The following PDXP variants were observed in gnomAD, a reference collection of about 807,000 sequenced individuals.
The protein encoded by PDXP is pyridoxal phosphatase.
A neutral mutation model predicts 14.4 loss-of-function variants in PDXP; 15 were observed. The ratio of observed to expected loss-of-function variants is 1.04; its 90% confidence interval spans 0.70 to 1.60. The LOEUF is 1.60. Ranked by LOEUF, PDXP falls within the 40% of genes most tolerant of loss-of-function variation. The probability of loss-of-function intolerance (pLI) is 0.00; values close to 1 mark genes in which losing one functional copy is unlikely to be tolerated. For synonymous variants in PDXP, 233 were observed against 205.6 expected (o/e 1.13, Z -1.14); for missense variants, 413 against 427.6 (o/e 0.97, Z 0.30).
chr22:37,666,126 T>G lies in PDXP; in HGVS notation c.*255T>G. The G allele has an allele frequency of 9.1e-6, 5 of 550,670 alleles. No homozygotes were observed. The highest frequency in any genetic ancestry group is 1.7e-5 in the Non-Finnish European group (5 of 300,290). The allele number at this position is 550,670 out of a possible 1,614,324, so 34.1% of individuals were successfully genotyped here. ...TGACCCAGCCAGGTGGCCTTATTTC[T>G]TCCCTGTCACCTCCCCTCCTTGAAA... On this transcript the variant is annotated 3_prime_UTR_variant, in exon 2 of 2. Coordinates refer to ENST00000215904, the MANE Select transcript of PDXP (RefSeq NM_020315.5).
Position 37,658,835 on chromosome 22 carries a change from G to T in PDXP, c.53G>T (p.Arg18Leu). ...GCGGCCCTGCGCGACGTGCTGGGCC[G>T]GGCGCAGGGGGTCCTGTTCGACTGT... ...RGAALRDVLGRAQGVLFDCDG... is the reference protein window; with the variant it reads ...RGAALRDVLGLAQGVLFDCDG... Residue 18 changes from arginine to leucine, a missense_variant, in exon 1 of 2, where the codon CGG becomes CTG. Coordinates refer to ENST00000215904, the MANE Select transcript of PDXP (RefSeq NM_020315.5). The T allele has an allele frequency of 8.4e-7, 1 of 1,196,176 alleles. No homozygotes were observed. Among genetic ancestry groups the T allele is most frequent in the East Asian group, 3.5e-5 (1 of 28,702 alleles). 74.1% of individuals were successfully genotyped at this position (1,196,176 alleles called of 1,614,324 possible).
In PDXP at chr22:37,666,021, GC is replaced by G; in HGVS notation, c.*153del. 1 of 780,862 alleles carries G rather than the reference GC, an allele frequency of 1.3e-6. No individual in the cohort carries two copies. Among genetic ancestry groups the G allele is most frequent in the Non-Finnish European group, 2.1e-6 (1 of 485,306 alleles). The allele number at this position is 780,862 out of a possible 1,614,324, so 48.4% of individuals were successfully genotyped here. A position where few individuals can be genotyped will look rare whatever the true frequency, so the allele number is the denominator to read the frequency against. On this transcript the variant is annotated 3_prime_UTR_variant, in exon 2 of 2. Transcript: ENST00000215904. ...GCTGGGACCCGGGGAAGGTTTGAGG[GC>G]CCTTGCAACCCCCTCCCAGCAGTGG...
rs1225211536 is a variant in PDXP, at chr22:37,658,932, C to T, written c.150C>T (p.Ala50=). 3 of 1,215,254 alleles carry T rather than the reference C, an allele frequency of 2.5e-6. No homozygotes were observed. The highest frequency in any genetic ancestry group is 1.6e-5 in the African/African-American group (1 of 62,976). 75.3% of individuals were successfully genotyped at this position (1,215,254 alleles called of 1,614,324 possible). A position where few individuals can be genotyped will look rare whatever the true frequency, so the allele number is the denominator to read the frequency against. Residue 50 remains alanine, a synonymous_variant, in exon 1 of 2, where the codon GCC becomes GCT. Transcript: ENST00000215904. ...APELLERLAR[A]GKAALFVSNN... is the part of the protein sequence containing the mutation. Reference sequence around the variant, plus strand: ...AGCTGCTGGAGCGGCTGGCGCGGGCCGGCAAGGCGGCTCTGTTTGTGAGCA... The same window carrying T: ...AGCTGCTGGAGCGGCTGGCGCGGGCTGGCAAGGCGGCTCTGTTTGTGAGCA...
intron 1 of PDXP, among the ~76,000 whole-genome samples, chr22:37,660,368 C>T (rs1429827316): frequency 6.7e-6 from 1 of 149,876 alleles, no homozygotes; most frequent in African/African-American, 2.4e-5. Context: ...TCCCCTCCAA[C>T]CCTCCAACCG....
Position 37,658,771 on chromosome 22 carries a change from C to A in PDXP, c.-12C>A. ...AGAGCGCGGCGCGGGAGGCCGGCGG[C>A]CGGCCGGCTGCATGGCGCGCTGCGA... On this transcript the variant is annotated 5_prime_UTR_variant, in exon 1 of 2. Coordinates refer to ENST00000215904, the MANE Select transcript of PDXP (RefSeq NM_020315.5). 1.7e-6 allele frequency: 2 copies of A among 1,161,104 alleles called. No individual in the cohort carries two copies. The highest frequency in any genetic ancestry group is 2.1e-6 in the Non-Finnish European group (2 of 942,428). 71.9% of individuals were successfully genotyped at this position (1,161,104 alleles called of 1,614,324 possible).
At chr22:37,663,840 C>A (rs62236665) in intron 1 of PDXP, among the ~76,000 whole-genome samples, 45,592 of 150,048 alleles carry the variant, frequency 0.3, 7,127 homozygotes, top group Middle Eastern at 0.36. Context: ...TTTTATTTTT[C>A]GTAGAGACGG....
intron 1 of PDXP, among the ~76,000 whole-genome samples, chr22:37,660,170 G>A (rs1266997899): frequency 1.3e-5 from 2 of 152,154 alleles, no homozygotes; most frequent in African/African-American, 2.4e-5. Context: ...ACTTCAGCAT[G>A]GGCAACATAG....
intron 1 of PDXP, 107 bp downstream of exon 1, chr22:37,659,463 G>A (rs971595905): frequency 3.9e-5 from 33 of 850,186 alleles, no homozygotes; most frequent in Non-Finnish European, 4.7e-5. Context: ...GGCAGGTGGG[G>A]AACAGGAGAG....
In PDXP at chr22:37,658,987, G is replaced by A. The variant is rs1450616264; in HGVS notation, c.205G>A (p.Ala69Thr). 5.5e-5 allele frequency: 66 copies of A among 1,205,648 alleles called. No individual in the cohort carries two copies. Among genetic ancestry groups the A allele is most frequent in the Non-Finnish European group, 6.2e-5 (60 of 967,628 alleles). 74.7% of individuals were successfully genotyped at this position (1,205,648 alleles called of 1,614,324 possible). A position where few individuals can be genotyped will look rare whatever the true frequency, so the allele number is the denominator to read the frequency against. ...CAGCCGGCGCGCGCGGCCCGAGCTG[G>A]CCCTGCGCTTCGCGCGCCTCGGCTT... ...NNSRRARPEL[A>T]LRFARLGFGG... The change falls in exon 1 of 2, where the codon GCC becomes ACC. Residue 69 changes from alanine to threonine, a missense_variant. By Grantham distance (58) the Ala-to-Thr change is moderately conservative. Transcript: ENST00000215904.
At chr22:37,660,005 T>G (rs554082710) in intron 1 of PDXP, among the ~76,000 whole-genome samples, 79 of 152,286 alleles carry the variant, frequency 5.2e-4, no homozygotes, top group African/African-American at 1.8e-3. Flanking sequence ...ATGGAAGTTA[T>G]TGTCCCATTT....
In PDXP at chr22:37,665,908, C is replaced by G. The variant is rs753520092; in HGVS notation, c.*37C>G. On this transcript the variant is annotated 3_prime_UTR_variant, in exon 2 of 2. Transcript: ENST00000215904. ...CTGCAGCCACAGGCCCACCCCTCCC[C>G]ACTCCCTGATCCCGTAGGTGGAGGC... 8 of 1,579,548 alleles carry G rather than the reference C, an allele frequency of 5.1e-6. No homozygotes were observed. The South Asian group carries it at 9.1e-5, about 18-fold the overall frequency.
chr22:37,659,013 CG>C lies in PDXP; in HGVS notation c.237del (p.Leu80CysfsTer80). 5 of 1,187,074 alleles carry C rather than the reference CG, an allele frequency of 4.2e-6. No homozygotes were observed. Among genetic ancestry groups the C allele is most frequent in the South Asian group, 3.2e-5 (1 of 31,022 alleles). 73.5% of individuals were successfully genotyped at this position (1,187,074 alleles called of 1,614,324 possible). A position where few individuals can be genotyped will look rare whatever the true frequency, so the allele number is the denominator to read the frequency against. On this transcript the variant is annotated frameshift_variant, in exon 1 of 2. Transcript: ENST00000215904. LOFTEE classifies it high-confidence loss of function. ...LALRFARLGFGGLRAEQLFSS... is the reference protein window; with the variant it reads ...LALRFARLGFXGLRAEQLFSS... ...CCCTGCGCTTCGCGCGCCTCGGCTT[CG>C]GGGGGCTGCGCGCCGAGCAGCTCTT...
In PDXP at chr22:37,665,783, A is replaced by G. The variant is rs776839292; in HGVS notation, c.803A>G (p.Gln268Arg). ...LTGVSRLEEAQAYLAAGQHDL... is the reference protein window; with the variant it reads ...LTGVSRLEEARAYLAAGQHDL... The stretch of plus-strand genomic sequence containing the variant: ...GGAGTCTCCCGCCTAGAAGAGGCCC[A>G]GGCCTACCTAGCGGCCGGCCAGCAC... Residue 268 changes from glutamine (Q) to arginine (R), a missense_variant, in exon 2 of 2, where the codon CAG (glutamine) becomes CGG (arginine). Transcript: ENST00000215904. 6.8e-6 allele frequency: 11 copies of G among 1,614,108 alleles called. 1 individual carries two copies. The highest frequency in any genetic ancestry group is 6.6e-5 in the South Asian group (6 of 91,092).
At position 37,665,867 on chromosome 22, in the gene PDXP, A is replaced by G. The variant is rs768777584; in HGVS notation, c.887A>G (p.Asp296Gly). 3 of 1,610,428 alleles carry G rather than the reference A, an allele frequency of 1.9e-6. No individual in the cohort carries two copies. In the Admixed American group the frequency reaches 5.0e-5, roughly 27 times the overall value. ...GCAGACTTGACAGAGGGGTTGGAGG[A>G]CTGAGCCCACTGCACCTGCAGCCAC... Reference protein sequence around the residue: ...SIADLTEGLED With the variant: ...SIADLTEGLEG Residue 296 changes from aspartate to glycine, a missense_variant, in exon 2 of 2, where the codon GAC becomes GGC. Transcript: ENST00000215904.
chr22:37,660,128 G>T (rs1894531), intron 1 of PDXP, among the ~76,000 whole-genome samples: 7,164 of 152,222 alleles, frequency 0.047, 553 homozygotes, highest in African/African-American at 0.16. Flanking sequence ...AGGCTGTAGC[G>T]TGCTATCATT....
chr22:37,663,303 CAA>C (rs556575793), intron 1 of PDXP, among the ~76,000 whole-genome samples: 12 of 110,774 alleles, frequency 1.1e-4, no homozygotes, highest in Non-Finnish European at 9.6e-5. Flanking sequence ...GACTCCGTCT[CAA>C]AAAAAAAAAA....
chr22:37,664,489 G>C (rs1434715688), intron 1 of PDXP, among the ~76,000 whole-genome samples: 2 of 152,164 alleles, frequency 1.3e-5, no homozygotes, highest in Non-Finnish European at 2.9e-5. Context: ...AGCTGGGTTG[G>C]ACCCACCCGA....
chr22:37,659,803 A>T (rs1303949724), intron 1 of PDXP, among the ~76,000 whole-genome samples: 1 of 152,218 alleles, frequency 6.6e-6, no homozygotes, highest in Non-Finnish European at 1.5e-5. Context: ...TCAGTTACAT[A>T]ACCTCCAAGC....
rs1164252080 is a variant in PDXP at position 37,665,902 on chromosome 22, C to A, written c.*31C>A. 6.3e-7 allele frequency: 1 copy of A among 1,585,636 alleles called. No homozygotes were observed. Among genetic ancestry groups the A allele is most frequent in the Admixed American group, 1.7e-5 (1 of 59,240 alleles). ...CTGCACCTGCAGCCACAGGCCCACC[C>A]CTCCCCACTCCCTGATCCCGTAGGT... On this transcript the variant is annotated 3_prime_UTR_variant, in exon 2 of 2. Transcript: ENST00000215904.
Sources: gnomAD v4.1 joint callset for allele counts (sites outside exome capture counted in the v4.1 genomes callset) on GRCh38, gnomAD v4.1.1 for gene constraint, MANE v1.5 for transcripts, NCBI Gene and HGNC (gene_info 2026-07-23, HGNC 2026-07-21) for gene names.